Variants in PTPRF observed in about 807,000 individuals in gnomAD.
PTPRF encodes the protein protein tyrosine phosphatase receptor type F.
PTPRF carries 59 observed loss-of-function variants against 201.8 expected under a neutral mutation model. That is an observed-to-expected ratio of 0.29 (90% CI 0.24 to 0.36). The LOEUF (loss-of-function observed/expected upper bound fraction) is 0.36. Ranked by LOEUF, PTPRF falls within the 10% of genes least tolerant of loss-of-function variation. PTPRF has a pLI of 1.00. For missense variants in PTPRF, 2,132 were observed against 2,690.5 expected (o/e 0.79, Z 4.59); for synonymous variants, 1,088 against 1,089.7 (o/e 1.00, Z 0.03).
chr1:43,538,154 T>C (rs1644141654), intron 1 of PTPRF, 44 bp from the exon 2 acceptor site: 2 of 398,610 alleles, frequency 5.0e-6, no homozygotes, highest in Non-Finnish European at 8.8e-6. Flanking sequence ...TATGCTGTTG[T>C]GATGAAATTC....
intron 5 of PTPRF, among the ~76,000 whole-genome samples, chr1:43,563,077 C>T (rs1199495644): frequency 6.6e-6 from 1 of 151,368 alleles, no homozygotes; most frequent in Non-Finnish European, 1.5e-5. Flanking sequence ...ACTCTGGAGG[C>T]TGAGGCATAA....
At chr1:43,611,780 G>A (rs538108635) in intron 22 of PTPRF, among the ~76,000 whole-genome samples, 38 of 152,296 alleles carry the variant, frequency 2.5e-4, no homozygotes, top group African/African-American at 7.2e-4. Context: ...AGCAGAGTCC[G>A]GGCTTAAGCC....
chr1:43,570,586 A>T (rs114468642), intron 6 of PTPRF, among the ~76,000 whole-genome samples: 326 of 152,350 alleles, frequency 2.1e-3, no homozygotes, highest in African/African-American at 7.5e-3. Flanking sequence ...GATGTCAATG[A>T]TGAAAAGGAG....
chr1:43,584,029 G>A (rs1648464410), intron 7 of PTPRF, among the ~76,000 whole-genome samples: 1 of 152,196 alleles, frequency 6.6e-6, no homozygotes, highest in African/African-American at 2.4e-5. Flanking sequence ...CACAGGTTAG[G>A]AAGGGTTTCC....
At chr1:43,533,907 G>C (rs1643862468) in intron 1 of PTPRF, among the ~76,000 whole-genome samples, 1 of 152,150 alleles carries the variant, frequency 6.6e-6, no homozygotes, top group African/African-American at 2.4e-5. Flanking sequence ...TTCTTCCTTT[G>C]GGACTAACAG....
At chr1:43,590,731 G>A (rs1413300126) in intron 8 of PTPRF, among the ~76,000 whole-genome samples, 2 of 152,206 alleles carry the variant, frequency 1.3e-5, no homozygotes, top group African/African-American at 2.4e-5. Flanking sequence ...TCCCACAGTT[G>A]ATATGTGTAC....
chr1:43,549,110 G>C (rs1644862648), intron 3 of PTPRF, among the ~76,000 whole-genome samples: 1 of 152,252 alleles, frequency 6.6e-6, no homozygotes, highest in Non-Finnish European at 1.5e-5. Context: ...CACTGTGTGT[G>C]TCAGGGAGGG....
chr1:43,580,719 C>T (rs776849779), intron 7 of PTPRF, among the ~76,000 whole-genome samples: 18 of 152,246 alleles, frequency 1.2e-4, no homozygotes, highest in Non-Finnish European at 2.4e-4. Flanking sequence ...GATCTGCCTC[C>T]TCCCACCCTG....
chr1:43,595,746 G>A (rs1256789478), intron 11 of PTPRF, among the ~76,000 whole-genome samples: 1 of 152,096 alleles, frequency 6.6e-6, no homozygotes, highest in Non-Finnish European at 1.5e-5. Context: ...TGCAAGTACG[G>A]TGGGGGGGTT....
At chr1:43,556,406 C>T (rs1645378693) in intron 5 of PTPRF, among the ~76,000 whole-genome samples, 1 of 152,202 alleles carries the variant, frequency 6.6e-6, no homozygotes, top group Non-Finnish European at 1.5e-5. Flanking sequence ...GGACTACTGG[C>T]AGGTGCCACC....
At chr1:43,559,309 G>A (rs1645621180) in intron 5 of PTPRF, among the ~76,000 whole-genome samples, 1 of 152,172 alleles carries the variant, frequency 6.6e-6, no homozygotes, top group South Asian at 2.1e-4. Flanking sequence ...TGCTGTATGG[G>A]CTGTGTATGC....
intron 13 of PTPRF, among the ~76,000 whole-genome samples, chr1:43,600,430 C>T (rs1557819599): frequency 6.6e-6 from 1 of 152,094 alleles, no homozygotes; most frequent in African/African-American, 2.4e-5. Flanking sequence ...TCTGGGCTCC[C>T]GGAGGACACT....
rs367752429 is a variant in PTPRF, at chr1:43,617,891, C to T, written c.4351C>T (p.Arg1451Trp). ...CACGGCCACTGTGGTCATGATGACA[C>T]GGCTGGAGGAGAAGTCCCGGGTGAG... Reference protein sequence around the residue: ...QRTATVVMMTRLEEKSRVKCD... With the variant: ...QRTATVVMMTWLEEKSRVKCD... Residue 1451 changes from arginine (R) to tryptophan (W), a missense_variant, in exon 25 of 34, where the codon CGG (arginine) becomes TGG (tryptophan). Arg to Trp is a moderately radical substitution (Grantham distance 101, BLOSUM62 -3). Around this residue, in one of 6 missense-constraint regions of PTPRF, gnomAD observed 519 missense variants for 659.5 expected, o/e 0.79. Transcript: ENST00000359947. 191 of 1,609,808 alleles carry T rather than the reference C, an allele frequency of 1.2e-4. No homozygotes were observed. The highest frequency in any genetic ancestry group is 1.5e-4 in the Non-Finnish European group (179 of 1,176,796).
chr1:43,621,191 A>G lies in PTPRF; in HGVS notation c.5614A>G (p.Lys1872Glu). 1.9e-6 allele frequency: 3 copies of G among 1,614,170 alleles called. No homozygotes were observed. Among genetic ancestry groups the G allele is most frequent in the Non-Finnish European group, 2.5e-6 (3 of 1,179,992 alleles). Reference sequence around the variant, plus strand: ...CGTGGTCGACATGTTTCAGACCGTGAAGACCCTGCGTACACAGCGTCCTGC... The same window carrying G: ...CGTGGTCGACATGTTTCAGACCGTGGAGACCCTGCGTACACAGCGTCCTGC... Reference protein sequence around the residue: ...EGVVDMFQTVKTLRTQRPAMV... With the variant: ...EGVVDMFQTVETLRTQRPAMV... The change falls in exon 33 of 34, where the codon AAG becomes GAG. Residue 1872 changes from lysine to glutamate, a missense_variant. By Grantham distance (56) the Lys-to-Glu change is moderately conservative. This residue lies in a region of PTPRF where 519 missense variants were observed against 659.5 expected (regional missense o/e 0.79). Transcript: ENST00000359947.
chr1:43,594,567 C>T (rs894986368), intron 11 of PTPRF, among the ~76,000 whole-genome samples: 3 of 151,980 alleles, frequency 2.0e-5, no homozygotes, highest in African/African-American at 2.4e-5. Context: ...GGCTTTGTAG[C>T]GGTCCAGGGA....
chr1:43,594,101 C>A (rs911989467), intron 11 of PTPRF, among the ~76,000 whole-genome samples: 3 of 152,202 alleles, frequency 2.0e-5, no homozygotes, highest in Admixed American at 6.5e-5. Context: ...ATGCTGCCAG[C>A]CCTGTACCGT....
intron 22 of PTPRF, chr1:43,612,682 T>C (rs1473000365): frequency 8.4e-7 from 1 of 1,185,728 alleles, no homozygotes; most frequent in Non-Finnish European, 1.1e-6. Context: ...CTGTGTGTGA[T>C]GGTGCTGTAA....
At position 43,617,893 on chromosome 1, in the gene PTPRF, G is replaced by C; in HGVS notation, c.4353G>C (p.Arg1451=). Residue 1451 remains arginine, a synonymous_variant, in exon 25 of 34, where the codon CGG becomes CGC. Transcript: ENST00000359947. ...CGGCCACTGTGGTCATGATGACACGGCTGGAGGAGAAGTCCCGGGTGAGGC... is the reference window on the plus strand; with the variant it reads ...CGGCCACTGTGGTCATGATGACACGCCTGGAGGAGAAGTCCCGGGTGAGGC... ...QRTATVVMMT[R]LEEKSRVKCD... is the part of the protein sequence containing the mutation. 1 of 1,609,818 alleles carries C rather than the reference G, an allele frequency of 6.2e-7. No homozygotes were observed. Among genetic ancestry groups the C allele is most frequent in the Non-Finnish European group, 8.5e-7 (1 of 1,176,720 alleles).
Position 43,622,181 on chromosome 1 carries a change from C to T in PTPRF, c.*178C>T. On this transcript the variant is annotated 3_prime_UTR_variant, in exon 34 of 34. Transcript: ENST00000359947. ...GCCACACCAATCAGAGAGCCTAGAA[C>T]ATCCCTGGGCAAGTGGATGGCCCAG... 1 of 662,408 alleles carries T rather than the reference C, an allele frequency of 1.5e-6. No homozygotes were observed. The highest frequency in any genetic ancestry group is 2.6e-6 in the Non-Finnish European group (1 of 388,516). The allele number at this position is 662,408 out of a possible 1,614,324, so 41.0% of individuals were successfully genotyped here. A position where few individuals can be genotyped will look rare whatever the true frequency, so the allele number is the denominator to read the frequency against.
Sources: allele counts gnomAD v4.1 joint callset (sites outside exome capture counted in the v4.1 genomes callset), GRCh38; gene constraint gnomAD v4.1.1; regional missense constraint gnomAD v4.1.1; transcripts MANE v1.5; gene names NCBI Gene and HGNC (gene_info 2026-07-23, HGNC 2026-07-21).